Variants in CA8 observed in about 807,000 individuals in gnomAD.
The protein encoded by CA8 is carbonic anhydrase 8 (inactive), also known as carbonic anhydrase-related protein.
Under a neutral mutation model 41.4 loss-of-function variants are expected in CA8, and 22 were observed. That is an observed-to-expected ratio of 0.53 (90% confidence interval 0.38 to 0.76). The LOEUF is 0.76. Ranked by LOEUF, CA8 falls within the 30% of genes least tolerant of loss-of-function variation. The pLI, the probability that CA8 is intolerant of heterozygous loss-of-function variation, is 0.00. For synonymous variants in CA8, 121 were observed against 130.6 expected, an observed-to-expected ratio of 0.93 and a Z score of 0.50; for missense variants, 270 against 352.8, an observed-to-expected ratio of 0.77 and a Z score of 1.88.
chr8:60,276,244 C>T (rs2130628826), intron 2 of CA8, among the ~76,000 whole-genome samples: 1 of 152,240 alleles, frequency 6.6e-6, no homozygotes. Context: ...CGATCTAACA[C>T]AGGAGACAAA....
intron 8 of CA8, among the ~76,000 whole-genome samples, chr8:60,206,048 T>A (rs545796201): frequency 5.3e-5 from 8 of 152,326 alleles, no homozygotes; most frequent in African/African-American, 1.4e-4. Flanking sequence ...AATTTTTATA[T>A]AGAACTCTGA....
At chr8:60,280,408 T>C (rs911464689) in intron 1 of CA8, among the ~76,000 whole-genome samples, 5 of 152,308 alleles carry the variant, frequency 3.3e-5, no homozygotes, top group Admixed American at 3.3e-4. Context: ...TAATTAAAAT[T>C]ATATATTCTA....
intron 1 of CA8, among the ~76,000 whole-genome samples, 157 bp from the exon 2 acceptor site, chr8:60,280,037 CATTCATTATTTGAATGATCTGTT>C (rs757956541): frequency 1.3e-4 from 20 of 152,192 alleles, no homozygotes; most frequent in Non-Finnish European, 2.2e-4. Context: ...TTTGTTTTTG[CATTCATTATTTGAATGATCTGTT>C]ATTATCAAAT....
At chr8:60,205,232 G>T (rs961528614) in intron 8 of CA8, among the ~76,000 whole-genome samples, 6 of 152,104 alleles carry the variant, frequency 3.9e-5, no homozygotes, top group African/African-American at 1.4e-4. Flanking sequence ...CTAAAGAGCC[G>T]TGTGACATTG....
chr8:60,248,353 T>C (rs1166132597), intron 3 of CA8, among the ~76,000 whole-genome samples: 1 of 152,226 alleles, frequency 6.6e-6, no homozygotes, highest in Non-Finnish European at 1.5e-5. Flanking sequence ...TGGTACTGCC[T>C]TGGTTTTCTT....
chr8:60,254,324 A>G (rs1259831245), intron 3 of CA8, among the ~76,000 whole-genome samples: 1 of 152,166 alleles, frequency 6.6e-6, no homozygotes, highest in Non-Finnish European at 1.5e-5. Context: ...AGAACATCCC[A>G]TTGCAGCTCA....
chr8:60,276,704 A>G (rs1804247741), intron 2 of CA8, among the ~76,000 whole-genome samples: 1 of 152,206 alleles, frequency 6.6e-6, no homozygotes, highest in Non-Finnish European at 1.5e-5. Context: ...CTCCACCACT[A>G]TGCAATATAT....
chr8:60,192,190 C>A lies in CA8; in HGVS notation c.*36-2205G>T, dbSNP rs745871453. Among the ~76,000 whole-genome samples, 19 of 148,666 alleles carry A rather than the reference C, an allele frequency of 1.3e-4. 1 individual carries two copies. The highest frequency in any genetic ancestry group is 2.4e-4 in the Non-Finnish European group (16 of 67,464). ...ACTTGATCTTGTTTACTGCAAATAC[C>A]AGATTAACTGAAAAAATGTTTCAAT... On this transcript the variant is annotated intron_variant, in intron 8 of 8. Transcript: ENST00000317995.
At chr8:60,261,797 C>T (rs1255486511) in intron 3 of CA8, among the ~76,000 whole-genome samples, 5 of 152,120 alleles carry the variant, frequency 3.3e-5, no homozygotes, top group Non-Finnish European at 5.9e-5. Flanking sequence ...CTGCAAGCTC[C>T]GCCTCCCGGG....
chr8:60,201,125 G>A (rs11987574), intron 8 of CA8, among the ~76,000 whole-genome samples: 72,830 of 151,812 alleles, frequency 0.48, 18,939 homozygotes, highest in African/African-American at 0.69. Flanking sequence ...GTCATGCACG[G>A]CTCACGTTTC....
chr8:60,267,783 C>T (rs1184841725), intron 2 of CA8, among the ~76,000 whole-genome samples: 1 of 152,170 alleles, frequency 6.6e-6, no homozygotes, highest in Non-Finnish European at 1.5e-5. Context: ...GAAGTTGCTC[C>T]TTGGAGAACT....
At chr8:60,263,554 A>G (rs901836891) in intron 3 of CA8, among the ~76,000 whole-genome samples, 9 of 151,986 alleles carry the variant, frequency 5.9e-5, no homozygotes, top group African/African-American at 1.9e-4. Flanking sequence ...AAAACACTGG[A>G]AAAAAAACCA....
At chr8:60,248,263 C>A (rs191095452) in intron 3 of CA8, among the ~76,000 whole-genome samples, 1 of 152,074 alleles carries the variant, frequency 6.6e-6, no homozygotes, top group East Asian at 1.9e-4. Flanking sequence ...TAATTAGATA[C>A]GATTTGTCAA....
At chr8:60,191,615 T>C (rs1806133882) in intron 8 of CA8, among the ~76,000 whole-genome samples, 1 of 152,140 alleles carries the variant, frequency 6.6e-6, no homozygotes, top group Non-Finnish European at 1.5e-5. Context: ...TCTCCAGATA[T>C]ATGTGAACAG....
chr8:60,188,485 T>C lies in CA8; in HGVS notation c.*1536A>G, dbSNP rs1348842807. ...TGTTAATTACAAATAAGGCTGCACGTGTGCAGCCAATGTTTGGCATGTGAG... is the reference window on the plus strand; with the variant it reads ...TGTTAATTACAAATAAGGCTGCACGCGTGCAGCCAATGTTTGGCATGTGAG... On this transcript the variant is annotated 3_prime_UTR_variant, in exon 9 of 9. Transcript: ENST00000317995. The C allele has an allele frequency of 5.3e-5, 8 of 152,186 alleles. No homozygotes were observed. Among genetic ancestry groups the C allele is most frequent in the Non-Finnish European group, 1.5e-5 (1 of 68,034 alleles). The allele number at this position is 152,186 out of a possible 1,614,324, so 9.4% of individuals were successfully genotyped here.
intron 2 of CA8, among the ~76,000 whole-genome samples, chr8:60,269,069 A>C (rs1355469451): frequency 6.6e-6 from 1 of 152,232 alleles, no homozygotes; most frequent in Non-Finnish European, 1.5e-5. Flanking sequence ...AATGCCATAA[A>C]AAATGACAAA....
At chr8:60,196,791 G>GTAAAAA (rs1244518921) in intron 8 of CA8, among the ~76,000 whole-genome samples, 2 of 151,914 alleles carry the variant, frequency 1.3e-5, no homozygotes, top group Non-Finnish European at 2.9e-5. Context: ...AATTAAACAT[G>GTAAAAA]TAAAAATAGC....
intron 8 of CA8, among the ~76,000 whole-genome samples, chr8:60,205,707 T>A (rs903677814): frequency 4.6e-5 from 7 of 152,312 alleles, no homozygotes; most frequent in African/African-American, 1.7e-4. Context: ...AGATTACTCA[T>A]GGGAATAATA....
At chr8:60,220,498 G>A (rs1807206414) in intron 7 of CA8, among the ~76,000 whole-genome samples, 1 of 152,054 alleles carries the variant, frequency 6.6e-6, no homozygotes, top group Non-Finnish European at 1.5e-5. Flanking sequence ...TTGATGCTTG[G>A]GTTGGCAGCA....
Sources: gnomAD v4.1 joint callset for allele counts (sites outside exome capture counted in the v4.1 genomes callset) on GRCh38, gnomAD v4.1.1 for gene constraint, MANE v1.5 for transcripts, NCBI Gene and HGNC (gene_info 2026-07-23, HGNC 2026-07-21) for gene names.